The following BTRC variants were observed in gnomAD, a reference collection of about 807,000 sequenced individuals.
The protein encoded by BTRC is beta-transducin repeat containing E3 ubiquitin protein ligase, also known as F-box/WD repeat-containing protein 1A.
In BTRC, 42 loss-of-function variants were observed where a neutral mutation model predicts 85.5. The ratio of observed to expected loss-of-function variants is 0.49; its 90% CI spans 0.38 to 0.64. The LOEUF (loss-of-function observed/expected upper bound fraction) is 0.64. BTRC is among the 30% of genes least tolerant of loss of function. BTRC has a pLI of 0.00. For synonymous variants in BTRC, 255 were observed against 263.3 expected, an observed-to-expected ratio of 0.97 and a Z score of 0.30; for missense variants, 594 against 743.5, an observed-to-expected ratio of 0.80 and a Z score of 2.34.
intron 4 of BTRC, among the ~76,000 whole-genome samples, chr10:101,511,004 C>T (rs974873474): frequency 1.3e-5 from 2 of 152,190 alleles, no homozygotes; most frequent in African/African-American, 4.8e-5. Flanking sequence ...CCAGCCCCTG[C>T]TCCATTCTCT....
At chr10:101,450,517 C>G (rs942611975) in intron 2 of BTRC, among the ~76,000 whole-genome samples, 6 of 152,098 alleles carry the variant, frequency 3.9e-5, no homozygotes, top group Non-Finnish European at 8.8e-5. Context: ...CTTAAAAGAG[C>G]AGGAGGCAGG....
At chr10:101,463,867 T>C (rs1185741551) in intron 3 of BTRC, among the ~76,000 whole-genome samples, 2 of 152,132 alleles carry the variant, frequency 1.3e-5, no homozygotes, top group Non-Finnish European at 2.9e-5. Context: ...TTACTATATG[T>C]TAAATGTTTT....
At chr10:101,441,144 A>AC in intron 2 of BTRC, among the ~76,000 whole-genome samples, 1 of 152,220 alleles carries the variant, frequency 6.6e-6, no homozygotes, top group Admixed American at 6.5e-5. Flanking sequence ...GGATGAATGA[A>AC]AACAAACCAT....
At chr10:101,505,517 A>T (rs112455252) in intron 4 of BTRC, among the ~76,000 whole-genome samples, 1 of 151,078 alleles carries the variant, frequency 6.6e-6, no homozygotes, top group Admixed American at 6.6e-5. Context: ...CTGCTCAGGA[A>T]GCTGAGGCAG....
intron 1 of BTRC, among the ~76,000 whole-genome samples, chr10:101,355,410 T>C (rs185551387): frequency 1.3e-5 from 2 of 152,340 alleles, no homozygotes; most frequent in East Asian, 3.9e-4. Context: ...CGCTTTTCTT[T>C]TTGCTGTGCT....
At chr10:101,421,679 G>A (rs564325319) in intron 1 of BTRC, among the ~76,000 whole-genome samples, 1 of 132,430 alleles carries the variant, frequency 7.6e-6, no homozygotes, top group African/African-American at 2.9e-5. Flanking sequence ...GTGTCCAAGT[G>A]TTTTCATTGT....
chr10:101,532,212 G>A (rs753233283), intron 7 of BTRC, 83 bp from the exon 8 acceptor site: 18 of 1,434,728 alleles, frequency 1.3e-5, no homozygotes, highest in East Asian at 2.3e-5. Flanking sequence ...AAAGCATTGA[G>A]CCATTGATTG....
rs1382235525 is a variant in BTRC, at chr10:101,366,808, A to G, written c.48+12580A>G. The stretch of plus-strand genomic sequence containing the variant: ...TATATATTTTTACATTTATATATAT[A>G]TTTATATATATTAATATATATTTAT... On this transcript the variant is annotated intron_variant, in intron 1 of 14. Coordinates refer to ENST00000370187, the MANE Select transcript of BTRC (RefSeq NM_033637.4). Among the ~76,000 whole-genome samples, 6 of 81,030 alleles carry G rather than the reference A, an allele frequency of 7.4e-5. 1 individual carries two copies. The highest frequency in any genetic ancestry group is 3.4e-4 in the African/African-American group (6 of 17,432). The allele number at this position is 81,030 out of a possible 152,430, so 53.2% of individuals were successfully genotyped here. A position where few individuals can be genotyped will look rare whatever the true frequency, so the allele number is the denominator to read the frequency against.
intron 1 of BTRC, among the ~76,000 whole-genome samples, chr10:101,422,887 T>C (rs888550047): frequency 6.6e-6 from 1 of 152,226 alleles, no homozygotes; most frequent in Admixed American, 6.5e-5. Flanking sequence ...TAGTATAGTT[T>C]GAAGTCAGGT....
chr10:101,509,960 G>A (rs1384930944), intron 4 of BTRC, among the ~76,000 whole-genome samples: 1 of 151,574 alleles, frequency 6.6e-6, no homozygotes, highest in African/African-American at 2.4e-5. Context: ...GAGATCAGGA[G>A]TTTGAGACCA....
chr10:101,459,449 G>A (rs189037507), intron 2 of BTRC, among the ~76,000 whole-genome samples: 1 of 152,104 alleles, frequency 6.6e-6, no homozygotes, highest in East Asian at 1.9e-4. Flanking sequence ...TATCATGACT[G>A]TTTAATGTCC....
At position 101,534,913 on chromosome 10, in the gene BTRC, A is replaced by G; in HGVS notation, c.1347+3A>G. The G allele has an allele frequency of 6.2e-7, 1 of 1,608,272 alleles. No individual in the cohort carries two copies. On this transcript the variant is annotated splice_donor_region_variant and intron_variant, in intron 10 of 14. Transcript: ENST00000370187. Reference sequence around the variant, plus strand: ...CATCTGGGGATAGAACTATAAAGGTAATAAGGCATTTTTCAGTAAGTTTCC... The same window carrying G: ...CATCTGGGGATAGAACTATAAAGGTGATAAGGCATTTTTCAGTAAGTTTCC...
chr10:101,537,985 G>A (rs2062412099), intron 12 of BTRC, among the ~76,000 whole-genome samples: 1 of 152,202 alleles, frequency 6.6e-6, no homozygotes, highest in Non-Finnish European at 1.5e-5. Flanking sequence ...CTCAGTACAT[G>A]TGACCTGGGC....
intron 3 of BTRC, among the ~76,000 whole-genome samples, chr10:101,478,971 TCTAA>T (rs1291838419): frequency 6.7e-6 from 1 of 149,592 alleles, no homozygotes; most frequent in East Asian, 2.0e-4. Context: ...AAACATGCCC[TCTAA>T]CTACCTTCAG....
intron 1 of BTRC, among the ~76,000 whole-genome samples, chr10:101,387,528 C>CCTTTTTTT (rs1399986557): frequency 2.2e-5 from 1 of 45,122 alleles, no homozygotes; most frequent in African/African-American, 1.5e-4. Flanking sequence ...CTTCATGGGA[C>CCTTTTTTT]TTTTTTTTTT....
At position 101,536,610 on chromosome 10, in the gene BTRC, A is replaced by G; in HGVS notation, c.1534A>G (p.Ile512Val). 1.2e-6 allele frequency: 2 copies of G among 1,613,924 alleles called. No individual in the cohort carries two copies. The highest frequency in any genetic ancestry group is 1.7e-6 in the Non-Finnish European group (2 of 1,179,806). The change falls in exon 12 of 15, where the codon ATT becomes GTT. Residue 512 changes from isoleucine to valine, a missense_variant. This residue lies in a region of BTRC where 373 missense variants were observed against 503.6 expected (regional missense o/e 0.74). Transcript: ENST00000370187. Reference sequence around the variant, plus strand: ...AGGCCATGAGGAATTGGTGCGTTGTATTCGATTTGATAACAAGAGGATAGT... The same window carrying G: ...AGGCCATGAGGAATTGGTGCGTTGTGTTCGATTTGATAACAAGAGGATAGT... The part of the protein sequence containing the change: ...LEGHEELVRC[I>V]RFDNKRIVSG...
At chr10:101,370,917 C>T (rs1252974639) in intron 1 of BTRC, among the ~76,000 whole-genome samples, 2 of 152,130 alleles carry the variant, frequency 1.3e-5, no homozygotes, top group Non-Finnish European at 2.9e-5. Flanking sequence ...CACAGACACA[C>T]ATACATATGT....
chr10:101,447,001 T>TG (rs1297068826), intron 2 of BTRC, among the ~76,000 whole-genome samples: 1 of 59,958 alleles, frequency 1.7e-5, no homozygotes, highest in East Asian at 4.6e-4. Context: ...TGGGGGGTGG[T>TG]GGGGGGGCCG....
Position 101,538,329 on chromosome 10 carries a change from C to G in BTRC, c.1614C>G (p.Asp538Glu). Reference sequence around the variant, plus strand: ...TGTGGGATCTTGTGGCTGCTTTGGACCCCCGTGCTCCTGCAGGGACACTCT... The same window carrying G: ...TGTGGGATCTTGTGGCTGCTTTGGAGCCCCGTGCTCCTGCAGGGACACTCT... ...IKVWDLVAALDPRAPAGTLCL... is the reference protein window; with the variant it reads ...IKVWDLVAALEPRAPAGTLCL... The change falls in exon 13 of 15, where the codon GAC becomes GAG. Residue 538 changes from aspartate to glutamate, a missense_variant. Around this residue, in one of 4 missense-constraint regions of BTRC, gnomAD observed 373 missense variants for 503.6 expected, o/e 0.74. Transcript: ENST00000370187. The G allele has an allele frequency of 6.2e-7, 1 of 1,613,974 alleles. No homozygotes were observed.
Sources: allele counts gnomAD v4.1 joint callset (sites outside exome capture counted in the v4.1 genomes callset), GRCh38; gene constraint gnomAD v4.1.1; regional missense constraint gnomAD v4.1.1; transcripts MANE v1.5; gene names NCBI Gene and HGNC (gene_info 2026-07-23, HGNC 2026-07-21).